The following CTNNA3 variants were observed in gnomAD, a reference collection of about 807,000 sequenced individuals.
CTNNA3 encodes the protein catenin alpha 3, also known as catenin alpha-3.
Under a neutral mutation model 95.7 loss-of-function variants are expected in CTNNA3, and 76 were observed. That is an observed-to-expected ratio of 0.79 (90% CI 0.66 to 0.96). The LOEUF (loss-of-function observed/expected upper bound fraction) is 0.96, where lower values mean the gene tolerates loss of function less well. Ranked by LOEUF, CTNNA3 falls within the 40% of genes least tolerant of loss-of-function variation. The probability of loss-of-function intolerance (pLI) is 0.00; values close to 1 mark genes in which losing one functional copy is unlikely to be tolerated. For missense variants in CTNNA3, 1,191 were observed against 1,089.8 expected (o/e 1.09, Z -1.31); for synonymous variants, 431 against 374.4 (o/e 1.15, Z -1.74).
chr10:67,387,848 T>G (rs1361176721), intron 5 of CTNNA3, among the ~76,000 whole-genome samples: 5 of 151,724 alleles, frequency 3.3e-5, no homozygotes, highest in Admixed American at 3.3e-4. Flanking sequence ...CAGCTGAGGG[T>G]CCTGTCTGTT....
chr10:65,980,851 T>C (rs2078306258), intron 16 of CTNNA3, among the ~76,000 whole-genome samples: 1 of 151,996 alleles, frequency 6.6e-6, no homozygotes. Flanking sequence ...CTTAAGGTAA[T>C]AAAAGCCATC....
At chr10:66,427,075 T>A (rs1186746864) in intron 11 of CTNNA3, among the ~76,000 whole-genome samples, 1 of 152,002 alleles carries the variant, frequency 6.6e-6, no homozygotes, top group Non-Finnish European at 1.5e-5. Context: ...CAATATATAC[T>A]TTTGTTGATG....
intron 9 of CTNNA3, among the ~76,000 whole-genome samples, chr10:66,667,138 T>C (rs763522181): frequency 1.3e-5 from 2 of 152,038 alleles, no homozygotes; most frequent in Non-Finnish European, 2.9e-5. Context: ...TACCGCGAGG[T>C]TTCCAGTGTG....
chr10:66,125,775 A>G (rs1432044836), intron 13 of CTNNA3, among the ~76,000 whole-genome samples: 1 of 152,200 alleles, frequency 6.6e-6, no homozygotes, highest in Non-Finnish European at 1.5e-5. Context: ...TATGATCCCA[A>G]TTGAACAGTA....
intron 3 of CTNNA3, among the ~76,000 whole-genome samples, chr10:67,579,533 T>G (rs926803762): frequency 6.6e-6 from 1 of 152,180 alleles, no homozygotes; most frequent in African/African-American, 2.4e-5. Flanking sequence ...TGTGTCTTTA[T>G]AGAAGCATGA....
intron 17 of CTNNA3, among the ~76,000 whole-genome samples, chr10:65,944,270 G>A (rs1388039686): frequency 6.6e-6 from 1 of 152,224 alleles, no homozygotes; most frequent in African/African-American, 2.4e-5. Flanking sequence ...GAGCTCGTTT[G>A]TCACTTTTCC....
At chr10:66,584,946 G>A (rs1843310791) in intron 10 of CTNNA3, among the ~76,000 whole-genome samples, 1 of 152,020 alleles carries the variant, frequency 6.6e-6, no homozygotes, top group African/African-American at 2.4e-5. Flanking sequence ...CTATGAAAGA[G>A]TTTTGCTGGA....
chr10:67,413,247 T>A (rs564000281), intron 5 of CTNNA3, among the ~76,000 whole-genome samples: 39 of 152,264 alleles, frequency 2.6e-4, no homozygotes, highest in African/African-American at 8.9e-4. Flanking sequence ...TCATCTTTCA[T>A]CATTCATTCT....
At chr10:67,727,473 A>G (rs1841242761) in intron 1 of CTNNA3, among the ~76,000 whole-genome samples, 2 of 133,452 alleles carry the variant, frequency 1.5e-5, no homozygotes, top group African/African-American at 5.4e-5. Context: ...CATATATTAT[A>G]TATTTATATA....
chr10:66,004,368 C>A (rs2078836329), intron 15 of CTNNA3, among the ~76,000 whole-genome samples: 1 of 152,152 alleles, frequency 6.6e-6, no homozygotes, highest in African/African-American at 2.4e-5. Flanking sequence ...CATCAGAAAT[C>A]TGGCATGTAT....
At chr10:67,157,095 G>A (rs897926003) in intron 7 of CTNNA3, among the ~76,000 whole-genome samples, 4 of 152,060 alleles carry the variant, frequency 2.6e-5, no homozygotes, top group Admixed American at 6.6e-5. Flanking sequence ...ATAAGTCCTA[G>A]TTAGAGCAAT....
chr10:67,257,890 T>C (rs1343942789), intron 5 of CTNNA3, among the ~76,000 whole-genome samples: 4 of 152,196 alleles, frequency 2.6e-5, no homozygotes, highest in Non-Finnish European at 5.9e-5. Flanking sequence ...TTCCAGAAGC[T>C]GAAAAGCAAT....
chr10:66,508,639 T>C (rs1270503756), intron 11 of CTNNA3, among the ~76,000 whole-genome samples: 2 of 152,118 alleles, frequency 1.3e-5, no homozygotes, highest in Admixed American at 6.6e-5. Flanking sequence ...TGAGAAGATA[T>C]GGTGTTTGAC....
intron 3 of CTNNA3, among the ~76,000 whole-genome samples, chr10:67,543,304 G>GA (rs1840740395): frequency 6.6e-6 from 1 of 151,798 alleles, no homozygotes; most frequent in Admixed American, 6.6e-5. Flanking sequence ...GACAATTTCT[G>GA]AATATACAAA....
At chr10:65,940,045 T>A (rs1042012503) in intron 17 of CTNNA3, among the ~76,000 whole-genome samples, 1 of 152,176 alleles carries the variant, frequency 6.6e-6, no homozygotes, top group African/African-American at 2.4e-5. Flanking sequence ...AAGGAATTAG[T>A]TGAATATCCC....
intron 11 of CTNNA3, among the ~76,000 whole-genome samples, chr10:66,403,236 C>T (rs74141495): frequency 0.079 from 12,024 of 152,214 alleles, 621 homozygotes; most frequent in East Asian, 0.22. Flanking sequence ...CTGCCTGGTC[C>T]TCCTTGCTTG....
intron 7 of CTNNA3, chr10:67,099,875 A>G (rs1378620037): frequency 3.3e-5 from 5 of 151,698 alleles, no homozygotes; most frequent in Non-Finnish European, 7.4e-5. Flanking sequence ...TCTACATTGA[A>G]ATTTGGCTTT....
intron 9 of CTNNA3, among the ~76,000 whole-genome samples, chr10:66,645,434 C>G (rs1345800630): frequency 6.6e-6 from 1 of 152,160 alleles, no homozygotes; most frequent in Non-Finnish European, 1.5e-5. Flanking sequence ...CTATAGGTGT[C>G]AAATTGCTCC....
intron 15 of CTNNA3, among the ~76,000 whole-genome samples, chr10:66,038,530 T>C (rs1308785115): frequency 6.6e-6 from 1 of 152,190 alleles, no homozygotes; most frequent in East Asian, 1.9e-4. Flanking sequence ...GGATATACAT[T>C]TGAGCAATGG....
Sources: allele counts gnomAD v4.1 joint callset (sites outside exome capture counted in the v4.1 genomes callset), GRCh38; gene constraint gnomAD v4.1.1; transcripts MANE v1.5; gene names NCBI Gene and HGNC (gene_info 2026-07-23, HGNC 2026-07-21).